The following GALNS variants were observed in gnomAD, a reference collection of about 807,000 sequenced individuals.
The protein encoded by GALNS is galactosamine (N-acetyl)-6-sulfatase.
GALNS carries 65 observed loss-of-function variants against 65.9 expected under a neutral mutation model. The ratio of observed to expected loss-of-function variants is 0.99; its 90% CI spans 0.81 to 1.21. The LOEUF is 1.21. Ranked by LOEUF, GALNS falls within the 50% of genes most tolerant of loss-of-function variation. The pLI is 0.00. For missense variants in GALNS, 776 were observed against 700.7 expected (o/e 1.11, Z -1.21); for synonymous variants, 346 against 288.9 (o/e 1.20, Z -2.00).
chr16:88,856,507 C>T lies in GALNS; in HGVS notation c.120+251G>A, dbSNP rs536300891. ...GCACAGTGGCAGCGCGTGTGGTGAT[C>T]GGTGACCGCCGAGACCCCACGCCTG... is the stretch of plus-strand genomic sequence containing the variant. On this transcript the variant is annotated intron_variant, in intron 1 of 13. Transcript: ENST00000268695. The T allele has an allele frequency of 1.2e-4, 81 of 698,354 alleles. 1 individual carries two copies. Among genetic ancestry groups the T allele is most frequent in the South Asian group, 1.0e-3 (68 of 66,622 alleles). The allele number at this position is 698,354 out of a possible 1,614,324, so 43.3% of individuals were successfully genotyped here.
At chr16:88,827,520 C>T (rs928590793) in intron 9 of GALNS, among the ~76,000 whole-genome samples, 16 of 152,214 alleles carry the variant, frequency 1.1e-4, no homozygotes, top group African/African-American at 3.9e-4. Flanking sequence ...GATCTCAGCT[C>T]ACCACAACCT....
rs780294296 is a variant in GALNS, at chr16:88,855,422, T to C, written c.120+1336A>G. On this transcript the variant is annotated intron_variant, in intron 1 of 13. Coordinates refer to ENST00000268695, the MANE Select transcript of GALNS (RefSeq NM_000512.5). ...AAGGATGAAATTCTGAAGCAAAGTA[T>C]CTTTAGGAGGGAGATGCCACTCAGT... 5.1e-5 allele frequency: 36 copies of C among 702,692 alleles called. 1 individual carries two copies. The highest frequency in any genetic ancestry group is 8.8e-5 in the Non-Finnish European group (34 of 385,012). The allele number at this position is 702,692 out of a possible 1,614,324, so 43.5% of individuals were successfully genotyped here.
chr16:88,856,024 A>G, intron 1 of GALNS: 1 of 609,562 alleles, frequency 1.6e-6, no homozygotes, highest in East Asian at 2.7e-5. Flanking sequence ...GTTTCAACCC[A>G]GGTGTGTCTG....
chr16:88,855,458 G>A (rs1355554131), intron 1 of GALNS: 3 of 702,840 alleles, frequency 4.3e-6, no homozygotes, highest in South Asian at 1.5e-5. Flanking sequence ...GCAGAGAAAG[G>A]CCCGGCTACT....
intron 9 of GALNS, among the ~76,000 whole-genome samples, chr16:88,830,196 A>C (rs1470105516): frequency 7.1e-6 from 1 of 140,556 alleles, no homozygotes; most frequent in African/African-American, 2.8e-5. Flanking sequence ...GCACTACTGC[A>C]CTCCAGCCTG....
intron 13 of GALNS, chr16:88,817,459 G>A: frequency 3.0e-6 from 3 of 985,428 alleles, no homozygotes; most frequent in Non-Finnish European, 3.6e-6. Context: ...CTCTGGGGCT[G>A]GCCCAGCATG....
chr16:88,827,413 T>G (rs1911046186), intron 9 of GALNS, among the ~76,000 whole-genome samples: 1 of 152,230 alleles, frequency 6.6e-6, no homozygotes, highest in Admixed American at 6.5e-5. Flanking sequence ...GCGTGCCATC[T>G]GGCTTCCCTC....
Position 88,815,555 on chromosome 16 carries a change from CTT to C in GALNS, c.1483-1032_1483-1031del, listed in dbSNP as rs1343314218. 5 of 985,350 alleles carry C rather than the reference CTT, an allele frequency of 5.1e-6. No homozygotes were observed. The African/African-American group carries it at 5.2e-5, about 10-fold the overall frequency. 61.0% of individuals were successfully genotyped at this position (985,350 alleles called of 1,614,324 possible). ...CTTTTCCTGGCAACAGAAAGGGAGA[CTT>C]ATGCCGCTAAGAGGAGCCTTCTTGG... On this transcript the variant is annotated intron_variant, in intron 13 of 13. Coordinates refer to ENST00000268695, the MANE Select transcript of GALNS (RefSeq NM_000512.5).
intron 9 of GALNS, among the ~76,000 whole-genome samples, chr16:88,829,292 C>T (rs1398745729): frequency 3.9e-5 from 6 of 152,196 alleles, no homozygotes; most frequent in African/African-American, 7.2e-5. Context: ...AGGGGGATGG[C>T]GCTCAGGGGA....
chr16:88,834,358 C>A lies in GALNS; in HGVS notation c.898+855G>T, dbSNP rs528232076. ...GTGGTCTGGGAAGAGGCTGCAGGGCCCCCCCCCGCGTGGTCTGGGAAGAGG... is the reference window on the plus strand; with the variant it reads ...GTGGTCTGGGAAGAGGCTGCAGGGCACCCCCCCGCGTGGTCTGGGAAGAGG... On this transcript the variant is annotated intron_variant, in intron 8 of 13. Coordinates refer to ENST00000268695, the MANE Select transcript of GALNS (RefSeq NM_000512.5). Among the ~76,000 whole-genome samples, 281 of 116,344 alleles carry A rather than the reference C, an allele frequency of 2.4e-3. 6 individuals carry two copies. The highest frequency in any genetic ancestry group is 8.8e-3 in the African/African-American group (257 of 29,182). The allele number at this position is 116,344 out of a possible 152,430, so 76.3% of individuals were successfully genotyped here. A position where few individuals can be genotyped will look rare whatever the true frequency, so the allele number is the denominator to read the frequency against.
At chr16:88,828,336 A>C (rs1377198183) in intron 9 of GALNS, among the ~76,000 whole-genome samples, 1 of 151,892 alleles carries the variant, frequency 6.6e-6, no homozygotes, top group Non-Finnish European at 1.5e-5. Flanking sequence ...TTTTCGAAGA[A>C]CTCTCCAGGC....
At chr16:88,843,304 C>T in intron 1 of GALNS, 4 of 934,376 alleles carry the variant, frequency 4.3e-6, no homozygotes, top group Non-Finnish European at 5.9e-6. Context: ...TGTGACCCTG[C>T]AGTTCCACGC....
intron 5 of GALNS, among the ~76,000 whole-genome samples, chr16:88,836,515 G>A (rs1049513848): frequency 1.3e-5 from 2 of 152,186 alleles, no homozygotes; most frequent in Non-Finnish European, 2.9e-5. Context: ...TTAGCTGGGC[G>A]TGGTGGCGCA....
At chr16:88,832,508 CTCAG>C (rs1555520995) in intron 8 of GALNS, among the ~76,000 whole-genome samples, 3 of 152,214 alleles carry the variant, frequency 2.0e-5, no homozygotes, top group Non-Finnish European at 4.4e-5. Flanking sequence ...ATGGTTCTGA[CTCAG>C]TCAGTCACGG....
intron 4 of GALNS, among the ~76,000 whole-genome samples, chr16:88,838,282 G>A (rs567202229): frequency 2.0e-5 from 3 of 152,296 alleles, no homozygotes; most frequent in South Asian, 2.1e-4. Context: ...CCAGGATGAC[G>A]ACTGGGCGGG....
chr16:88,824,744 C>A (rs750354351), intron 11 of GALNS, 23 bp downstream of exon 11: 1 of 1,597,404 alleles, frequency 6.3e-7, no homozygotes, highest in Non-Finnish European at 8.6e-7. Flanking sequence ...GCTCCGCCTG[C>A]GCCCACGTCC....
intron 5 of GALNS, among the ~76,000 whole-genome samples, chr16:88,836,817 G>C (rs1216058032): frequency 6.6e-6 from 1 of 152,236 alleles, no homozygotes; most frequent in Non-Finnish European, 1.5e-5. Context: ...GAATGGGGCT[G>C]AGGGCACGAC....
chr16:88,817,363 G>A (rs1457882786), intron 13 of GALNS: 19 of 985,350 alleles, frequency 1.9e-5, no homozygotes, highest in Non-Finnish European at 2.2e-5. Flanking sequence ...TCTACTGGAG[G>A]TGAACAAGGC....
At chr16:88,855,584 C>T (rs777784095) in intron 1 of GALNS, 151 of 662,654 alleles carry the variant, frequency 2.3e-4, no homozygotes, top group Non-Finnish European at 3.0e-5. Flanking sequence ...GGCTGTCACC[C>T]CTGGGTGGGG....
Sources: allele counts gnomAD v4.1 joint callset (sites outside exome capture counted in the v4.1 genomes callset), GRCh38; gene constraint gnomAD v4.1.1; transcripts MANE v1.5; gene names NCBI Gene and HGNC (gene_info 2026-07-23, HGNC 2026-07-21).